Variants in SPPL2A observed in about 807,000 individuals in gnomAD.
SPPL2A encodes the protein signal peptide peptidase like 2A.
A neutral mutation model predicts 63.8 loss-of-function variants in SPPL2A; 51 were observed. The observed-to-expected ratio is 0.80, with a 90% CI of 0.64 to 1.01. SPPL2A has a LOEUF of 1.01. Among genes scored for constraint, SPPL2A ranks in the 50% least tolerant of loss-of-function variants. SPPL2A has a pLI of 0.00. For synonymous variants in SPPL2A, 188 were observed against 205.8 expected (o/e 0.91, Z 0.74); for missense variants, 553 against 622.7 (o/e 0.89, Z 1.19).
chr15:50,748,111 A>G lies in SPPL2A; in HGVS notation c.450+2T>C. 1 of 1,279,600 alleles carries G rather than the reference A, an allele frequency of 7.8e-7. No homozygotes were observed. Among genetic ancestry groups the G allele is most frequent in the Non-Finnish European group, 1.1e-6 (1 of 939,712 alleles). 79.3% of individuals were successfully genotyped at this position (1,279,600 alleles called of 1,614,324 possible). On this transcript the variant is annotated splice_donor_variant, in intron 4 of 14. Coordinates refer to ENST00000261854, the MANE Select transcript of SPPL2A (RefSeq NM_032802.4). LOFTEE classifies it high-confidence loss of function. ...TTATCTAATATGTAATTGCTAATTTACCTGGTTCATATCTCTAAAGTCTTT... is the reference window on the plus strand; with the variant it reads ...TTATCTAATATGTAATTGCTAATTTGCCTGGTTCATATCTCTAAAGTCTTT...
intron 1 of SPPL2A, among the ~76,000 whole-genome samples, chr15:50,756,651 T>C (rs2062959831): frequency 6.6e-6 from 1 of 152,098 alleles, no homozygotes; most frequent in African/African-American, 2.4e-5. Context: ...ATTGGGAAGC[T>C]GAGGTGGGAA....
rs2062902087 is a variant in SPPL2A, at chr15:50,751,115, A to AT, written c.67-1370dup. 2.0e-5 allele frequency among the ~76,000 whole-genome samples: 3 copies of AT among 152,222 alleles called. No individual in the cohort carries two copies. In the South Asian group the frequency reaches 6.2e-4, roughly 31 times the overall value. On this transcript the variant is annotated intron_variant, in intron 1 of 14. Transcript: ENST00000261854. ...GCACAGCTTATGGATCTAAGCAAGT[A>AT]TAGGGAATTCATAAAACATGCCATC... is the stretch of plus-strand genomic sequence containing the variant.
chr15:50,719,451 G>T (rs575479752), intron 14 of SPPL2A, among the ~76,000 whole-genome samples: 7 of 152,126 alleles, frequency 4.6e-5, no homozygotes, highest in African/African-American at 1.4e-4. Flanking sequence ...CACCATGTTG[G>T]CCAGGCTGGT....
In SPPL2A at chr15:50,702,771, T is replaced by G. The variant is rs1211390064; in HGVS notation, c.*5029A>C. ...CAGTAATGGAGGACTACTATAAAAA[T>G]TTAGTTTTAAAAATAATTTTTCTCC... is the stretch of plus-strand genomic sequence containing the variant. On this transcript the variant is annotated 3_prime_UTR_variant, in exon 15 of 15. Transcript: ENST00000261854. 6.6e-6 allele frequency: 1 copy of G among 152,176 alleles called. No individual in the cohort carries two copies. Among genetic ancestry groups the G allele is most frequent in the Non-Finnish European group, 1.5e-5 (1 of 68,020 alleles). 9.4% of individuals were successfully genotyped at this position (152,176 alleles called of 1,614,324 possible). A position where few individuals can be genotyped will look rare whatever the true frequency, so the allele number is the denominator to read the frequency against.
At chr15:50,738,179 GCAAGACTGTCT>G (rs2062787737) in intron 6 of SPPL2A, among the ~76,000 whole-genome samples, 1 of 150,304 alleles carries the variant, frequency 6.7e-6, no homozygotes, top group African/African-American at 2.4e-5. Flanking sequence ...GCAGAGCAGA[GCAAGACTGTCT>G]CAAAAAAAAA....
At position 50,712,851 on chromosome 15, in the gene SPPL2A, A is replaced by G. The variant is rs984392470; in HGVS notation, c.1489-4977T>C. Among the ~76,000 whole-genome samples, 3 of 151,570 alleles carry G rather than the reference A, an allele frequency of 2.0e-5. No individual in the cohort carries two copies. The South Asian group carries it at 6.3e-4, about 32-fold the overall frequency. ...CAGGCGCCTGCCACCACACCTGGCT[A>G]ATTTTTGTATTTTTAATAGAGACAG... On this transcript the variant is annotated intron_variant, in intron 14 of 14. Coordinates refer to ENST00000261854, the MANE Select transcript of SPPL2A (RefSeq NM_032802.4).
chr15:50,718,790 C>A lies in SPPL2A; in HGVS notation c.1488+1150G>T, dbSNP rs559551183. On this transcript the variant is annotated intron_variant, in intron 14 of 14. Transcript: ENST00000261854. ...GTAACACTATAAATGACATGAAAGA[C>A]CAAGCACAAGATGGACATGGACTTT... Among the ~76,000 whole-genome samples the A allele has an allele frequency of 2.8e-3, 425 of 152,178 alleles. 4 individuals are homozygous for A. Among genetic ancestry groups the A allele is most frequent in the African/African-American group, 9.7e-3 (402 of 41,516 alleles).
At chr15:50,725,913 T>C (rs1057099557) in intron 11 of SPPL2A, 32 of 323,674 alleles carry the variant, frequency 9.9e-5, no homozygotes, top group Non-Finnish European at 1.6e-4. Context: ...ACCTTTTTTT[T>C]TTCTCTTTAC....
At chr15:50,755,480 G>A (rs890112660) in intron 1 of SPPL2A, among the ~76,000 whole-genome samples, 2 of 151,638 alleles carry the variant, frequency 1.3e-5, no homozygotes, top group African/African-American at 4.8e-5. Flanking sequence ...AATTAGCTTG[G>A]TGTACAGGCG....
rs139498473 is a variant in SPPL2A at position 50,763,022 on chromosome 15, C to T, written c.66+2446G>A. Among the ~76,000 whole-genome samples the T allele has an allele frequency of 5.9e-3, 901 of 151,914 alleles. 15 individuals are homozygous for T. The highest frequency in any genetic ancestry group is 0.021 in the African/African-American group (866 of 41,446). On this transcript the variant is annotated intron_variant, in intron 1 of 14. Transcript: ENST00000261854. The stretch of plus-strand genomic sequence containing the variant: ...CCTCTCAAAGTGCTGGGATGACAGG[C>T]GTGAGCCACCACGCCCGGACAAGTA...
At position 50,748,810 on chromosome 15, in the gene SPPL2A, G is replaced by C. The variant is rs1224908994; in HGVS notation, c.238C>G (p.Pro80Ala). The C allele has an allele frequency of 6.2e-7, 1 of 1,611,532 alleles. No individual in the cohort carries two copies. Among genetic ancestry groups the C allele is most frequent in the South Asian group, 1.1e-5 (1 of 90,674 alleles). The change falls in exon 3 of 15, where the codon CCT becomes GCT. Residue 80 changes from proline (P) to alanine (A), a missense_variant. By Grantham distance (27) the Pro-to-Ala change is conservative (BLOSUM62 -1). Coordinates refer to ENST00000261854, the MANE Select transcript of SPPL2A (RefSeq NM_032802.4). ...TPLCNLSDIP[P>A]VGIKSKAVVV... ...ACTGCTTTGCTCTTTATGCCAACAGGAGGAATATCAGAAAGGTTGCATAGT... is the reference window on the plus strand; with the variant it reads ...ACTGCTTTGCTCTTTATGCCAACAGCAGGAATATCAGAAAGGTTGCATAGT...
intron 8 of SPPL2A, among the ~76,000 whole-genome samples, chr15:50,735,389 CTT>C (rs1491433367): frequency 3.3e-5 from 5 of 151,924 alleles, no homozygotes; most frequent in African/African-American, 7.3e-5. Flanking sequence ...CTCTCTCTCT[CTT>C]TCTCTCTCTC....
intron 6 of SPPL2A, among the ~76,000 whole-genome samples, chr15:50,738,058 C>T (rs2062785895): frequency 6.6e-6 from 1 of 152,078 alleles, no homozygotes; most frequent in African/African-American, 2.4e-5. Flanking sequence ...GTGGGATGTG[C>T]CTGTAGTCCC....
At chr15:50,749,436 T>A (rs184089705) in intron 2 of SPPL2A, among the ~76,000 whole-genome samples, 200 bp downstream of exon 2, 7 of 152,040 alleles carry the variant, frequency 4.6e-5, no homozygotes, top group East Asian at 1.9e-4. Flanking sequence ...TACAGGCGCC[T>A]GCCACCACAC....
intron 1 of SPPL2A, 97 bp downstream of exon 1, chr15:50,765,371 A>T: frequency 1.1e-6 from 1 of 900,988 alleles, no homozygotes; most frequent in Middle Eastern, 3.5e-4. Context: ...GTGCGGGCAG[A>T]GGGGAGGCCG....
intron 13 of SPPL2A, among the ~76,000 whole-genome samples, chr15:50,720,328 A>G (rs1360878420): frequency 1.3e-5 from 2 of 152,202 alleles, no homozygotes; most frequent in African/African-American, 4.8e-5. Flanking sequence ...CTAACCATGT[A>G]TCATTGATAA....
intron 14 of SPPL2A, among the ~76,000 whole-genome samples, chr15:50,710,250 A>C (rs768403621): frequency 1.5e-4 from 23 of 152,144 alleles, no homozygotes; most frequent in Non-Finnish European, 3.2e-4. Context: ...AAATTATAAC[A>C]TGCTTCCCTG....
At chr15:50,758,063 T>A (rs1029109905) in intron 1 of SPPL2A, among the ~76,000 whole-genome samples, 1 of 144,762 alleles carries the variant, frequency 6.9e-6, no homozygotes, top group East Asian at 2.1e-4. Context: ...CTGAGGTGGG[T>A]GGATCACGAG....
At chr15:50,719,819 A>AG (rs981987700) in intron 14 of SPPL2A, 121 bp downstream of exon 14, 2 of 601,658 alleles carry the variant, frequency 3.3e-6, no homozygotes, top group Non-Finnish European at 5.8e-6. Flanking sequence ...ACAGTGAGTA[A>AG]GGGGGTATTA....
Sources: allele counts gnomAD v4.1 joint callset (sites outside exome capture counted in the v4.1 genomes callset), GRCh38; gene constraint gnomAD v4.1.1; transcripts MANE v1.5; gene names NCBI Gene and HGNC (gene_info 2026-07-23, HGNC 2026-07-21).